Variants in ZRANB3 observed in about 807,000 individuals in gnomAD.
ZRANB3 encodes the protein DNA annealing helicase and endonuclease ZRANB3.
In ZRANB3, 125 loss-of-function variants were observed where a neutral mutation model predicts 133.8. That is an observed-to-expected ratio of 0.93 (90% confidence interval 0.81 to 1.08). The LOEUF is 1.08. Among genes scored for constraint, ZRANB3 ranks in the 50% least tolerant of loss-of-function variants. ZRANB3 has a pLI of 0.00. For missense variants in ZRANB3, 1,229 were observed against 1,275.5 expected, an observed-to-expected ratio of 0.96 and a Z score of 0.56; for synonymous variants, 387 against 432.7, an observed-to-expected ratio of 0.89 and a Z score of 1.31.
chr2:135,525,898 C>A (rs566511912), intron 1 of ZRANB3, among the ~76,000 whole-genome samples: 2 of 146,568 alleles, frequency 1.4e-5, no homozygotes, highest in Admixed American at 1.4e-4. Context: ...CACAGATGAA[C>A]CTTGAAGACA....
intron 2 of ZRANB3, among the ~76,000 whole-genome samples, chr2:135,492,394 C>A (rs572299282): frequency 1.3e-5 from 2 of 152,004 alleles, no homozygotes; most frequent in South Asian, 4.1e-4. Flanking sequence ...TGTTGGGATA[C>A]TAATTACAGA....
chr2:135,382,113 G>T (rs1434264180), intron 3 of ZRANB3, among the ~76,000 whole-genome samples: 1 of 152,082 alleles, frequency 6.6e-6, no homozygotes, highest in Non-Finnish European at 1.5e-5. Flanking sequence ...TAGACGAAGG[G>T]CTAACTAGAA....
intron 17 of ZRANB3, 135 bp downstream of exon 17, chr2:135,217,330 G>A (rs1419699108): frequency 3.6e-6 from 3 of 821,940 alleles, no homozygotes; most frequent in Non-Finnish European, 5.4e-6. Context: ...AAACAATATG[G>A]CTGTGATTTT....
intron 2 of ZRANB3, among the ~76,000 whole-genome samples, chr2:135,405,901 A>G (rs565312365): frequency 2.3e-4 from 35 of 152,330 alleles, no homozygotes; most frequent in African/African-American, 6.7e-4. Flanking sequence ...TAACATCACA[A>G]TTAAAAGAAG....
intron 2 of ZRANB3, among the ~76,000 whole-genome samples, chr2:135,430,460 T>G (rs1000288757): frequency 6.6e-6 from 1 of 150,868 alleles, no homozygotes; most frequent in East Asian, 1.9e-4. Context: ...AAACACATAG[T>G]AAGGTGCAGA....
At chr2:135,445,198 T>C (rs1419586098) in intron 2 of ZRANB3, among the ~76,000 whole-genome samples, 4 of 152,126 alleles carry the variant, frequency 2.6e-5, no homozygotes, top group African/African-American at 9.6e-5. Flanking sequence ...AATTCCAGCA[T>C]TTTGGGAGGC....
chr2:135,459,769 T>G (rs1157523129), intron 2 of ZRANB3, among the ~76,000 whole-genome samples: 1 of 152,168 alleles, frequency 6.6e-6, no homozygotes, highest in Admixed American at 6.5e-5. Flanking sequence ...AACATAAATT[T>G]CTGGGGTACC....
intron 2 of ZRANB3, among the ~76,000 whole-genome samples, chr2:135,400,181 C>T (rs1477222791): frequency 1.3e-5 from 2 of 151,762 alleles, no homozygotes; most frequent in East Asian, 1.9e-4. Context: ...AAGAAGTTGC[C>T]GTGAGCCAAG....
intron 8 of ZRANB3, among the ~76,000 whole-genome samples, chr2:135,310,224 A>ACCGTG (rs1399472643): frequency 6.6e-6 from 1 of 152,198 alleles, no homozygotes; most frequent in Non-Finnish European, 1.5e-5. Context: ...GGCATGAGCC[A>ACCGTG]CCGTGCCTGG....
chr2:135,431,066 G>A (rs577084769), intron 2 of ZRANB3, among the ~76,000 whole-genome samples: 1 of 151,510 alleles, frequency 6.6e-6, no homozygotes, highest in South Asian at 2.1e-4. Flanking sequence ...CTGGAGCCCA[G>A]GAGCTTGAGG....
At chr2:135,472,241 C>T (rs1455756416) in intron 2 of ZRANB3, among the ~76,000 whole-genome samples, 1 of 152,154 alleles carries the variant, frequency 6.6e-6, no homozygotes, top group Non-Finnish European at 1.5e-5. Flanking sequence ...TGGCTCATGC[C>T]TATAATCCCA....
chr2:135,502,182 GCCAA>G (rs1205334582), intron 2 of ZRANB3, among the ~76,000 whole-genome samples: 1 of 151,974 alleles, frequency 6.6e-6, no homozygotes, highest in African/African-American at 2.4e-5. Flanking sequence ...GTTTCCATTT[GCCAA>G]AAAACATAAT....
chr2:135,368,260 C>G (rs867267153), intron 3 of ZRANB3, among the ~76,000 whole-genome samples: 1 of 151,778 alleles, frequency 6.6e-6, no homozygotes, highest in South Asian at 2.1e-4. Flanking sequence ...CTAAAAATAT[C>G]TTCCTAAGAA....
At chr2:135,231,226 T>C (rs1461369991) in intron 12 of ZRANB3, among the ~76,000 whole-genome samples, 1 of 152,148 alleles carries the variant, frequency 6.6e-6, no homozygotes, top group East Asian at 1.9e-4. Context: ...ATACTAGTAT[T>C]ATTATAACAT....
At chr2:135,423,504 T>G (rs1300170536) in intron 2 of ZRANB3, among the ~76,000 whole-genome samples, 1 of 152,254 alleles carries the variant, frequency 6.6e-6, no homozygotes, top group Non-Finnish European at 1.5e-5. Context: ...TAGGGTTCAC[T>G]CTAATCCAGT....
At chr2:135,519,219 C>T (rs1046725137) in intron 1 of ZRANB3, among the ~76,000 whole-genome samples, 1 of 152,080 alleles carries the variant, frequency 6.6e-6, no homozygotes, top group Non-Finnish European at 1.5e-5. Flanking sequence ...CCTGGTTGTA[C>T]TGTAGTTTTC....
At chr2:135,382,860 A>C (rs1305453627) in intron 3 of ZRANB3, among the ~76,000 whole-genome samples, 6 of 152,168 alleles carry the variant, frequency 3.9e-5, no homozygotes, top group Non-Finnish European at 5.9e-5. Flanking sequence ...TGGAAAGGAA[A>C]AACCACTACA....
intron 3 of ZRANB3, among the ~76,000 whole-genome samples, chr2:135,357,759 C>T (rs1400874092): frequency 6.6e-6 from 1 of 152,208 alleles, no homozygotes; most frequent in East Asian, 1.9e-4. Flanking sequence ...AACATCTGAT[C>T]TCATGTGGGC....
rs1170472009 is a variant in ZRANB3, at chr2:135,313,565, C to G, written c.890G>C (p.Arg297Thr). The change falls in exon 8 of 21, where the codon AGA becomes ACA. Residue 297 changes from arginine to threonine, a missense_variant. Physicochemically the swap from Arg to Thr is moderately conservative, Grantham distance 71 (BLOSUM62 -1). Transcript: ENST00000264159. ...TSFEEWEKIM[R>T]TPNSGAMETV... Reference sequence around the variant, plus strand: ...CTCCATGGCACCTGAATTTGGAGTTCTCATTATTTTTTCCCACTCTTCAAA... The same window carrying G: ...CTCCATGGCACCTGAATTTGGAGTTGTCATTATTTTTTCCCACTCTTCAAA... The G allele has an allele frequency of 1.2e-5, 19 of 1,613,704 alleles. No homozygotes were observed. Among genetic ancestry groups the G allele is most frequent in the Non-Finnish European group, 1.4e-5 (17 of 1,179,792 alleles).
Sources: allele counts gnomAD v4.1 joint callset (sites outside exome capture counted in the v4.1 genomes callset), GRCh38; gene constraint gnomAD v4.1.1; transcripts MANE v1.5; gene names NCBI Gene and HGNC (gene_info 2026-07-23, HGNC 2026-07-21).